The following SVEP1 variants were observed in gnomAD, a reference collection of about 807,000 sequenced individuals.
The protein encoded by SVEP1 is sushi, von Willebrand factor type A, EGF and pentraxin domain-containing protein 1.
Under a neutral mutation model 367.3 loss-of-function variants are expected in SVEP1, and 164 were observed. The ratio of observed to expected loss-of-function variants is 0.45; its 90% CI spans 0.39 to 0.51. The LOEUF is 0.51. SVEP1 is among the 20% of genes least tolerant of loss of function. The pLI, the probability that SVEP1 is intolerant of heterozygous loss-of-function variation, is 0.00. For missense variants in SVEP1, 4,117 were observed against 4,425.3 expected, an observed-to-expected ratio of 0.93 and a Z score of 1.98; for synonymous variants, 1,666 against 1,611.6, an observed-to-expected ratio of 1.03 and a Z score of -0.81.
chr9:110,492,025 A>G (rs1001900269), intron 8 of SVEP1, among the ~76,000 whole-genome samples: 5 of 152,180 alleles, frequency 3.3e-5, no homozygotes, highest in Non-Finnish European at 5.9e-5. Context: ...AAAGATAATA[A>G]TCAGCATATA....
intron 46 of SVEP1, among the ~76,000 whole-genome samples, chr9:110,370,829 G>T (rs968331402): frequency 3.3e-5 from 5 of 152,212 alleles, no homozygotes; most frequent in Non-Finnish European, 7.3e-5. Flanking sequence ...TAAAATGTCT[G>T]TTGGGAGAAA....
rs200502732 is a variant in SVEP1 at position 110,385,935 on chromosome 9, G to A, written c.10200C>T (p.Pro3400=). ...CGCTTGTCTGTGTCCACGTCTCGTC[G>A]GGGTTGCAGGTAATGATGCCGTGGC... ...LQGHGIITCN[P]DETWTQTSAK... is the part of the protein sequence containing the mutation. Residue 3400 remains proline, a synonymous_variant, in exon 43 of 48, where the codon CCC becomes CCT. Coordinates refer to ENST00000374469, the MANE Select transcript of SVEP1 (RefSeq NM_153366.4). 5.2e-4 allele frequency: 841 copies of A among 1,613,658 alleles called. 6 individuals are homozygous for A. The highest frequency in any genetic ancestry group is 1.2e-4 in the South Asian group (11 of 91,056).
At chr9:110,464,264 C>A (rs16915051) in intron 18 of SVEP1, among the ~76,000 whole-genome samples, 8,870 of 152,192 alleles carry the variant, frequency 0.058, 340 homozygotes, top group African/African-American at 0.11. Flanking sequence ...ATGGTTTATG[C>A]GTTTCAGTTA....
chr9:110,536,857 C>T (rs913830701), intron 3 of SVEP1, among the ~76,000 whole-genome samples: 1 of 151,916 alleles, frequency 6.6e-6, no homozygotes, highest in Non-Finnish European at 1.5e-5. Flanking sequence ...TTTTTCTTAA[C>T]TACAGGCACT....
chr9:110,376,498 T>C (rs1319795313), intron 45 of SVEP1, among the ~76,000 whole-genome samples: 1 of 152,218 alleles, frequency 6.6e-6, no homozygotes, highest in Non-Finnish European at 1.5e-5. Flanking sequence ...ATTTCCATCA[T>C]ACATTTTCCT....
At chr9:110,392,759 G>C (rs1408105687) in intron 40 of SVEP1, among the ~76,000 whole-genome samples, 1 of 151,982 alleles carries the variant, frequency 6.6e-6, no homozygotes, top group Non-Finnish European at 1.5e-5. Context: ...ATCATTATAA[G>C]CCTAGTGTCA....
Position 110,482,474 on chromosome 9 carries a change from G to C in SVEP1, c.2057C>G (p.Thr686Ser). 1 of 1,576,610 alleles carries C rather than the reference G, an allele frequency of 6.3e-7. No individual in the cohort carries two copies. Among genetic ancestry groups the C allele is most frequent in the Non-Finnish European group, 8.6e-7 (1 of 1,159,668 alleles). ...AAGGTCTCCTTGTGTATGACTTCTG[G>C]TAATGACCAATTCAGCCCCTGGAAA... The part of the protein sequence containing the change: ...SDNSGAELVI[T>S]RSHTQGDLFP... The change falls in exon 11 of 48, where the codon ACC becomes AGC. Residue 686 changes from threonine (T) to serine (S), a missense_variant. This residue lies in a region of SVEP1 where 2,174 missense variants were observed against 2,494.3 expected (regional missense o/e 0.87). Transcript: ENST00000374469.
intron 3 of SVEP1, among the ~76,000 whole-genome samples, chr9:110,530,681 T>C (rs1180396881): frequency 2.6e-5 from 4 of 152,020 alleles, no homozygotes; most frequent in Non-Finnish European, 4.4e-5. Flanking sequence ...GGACCACAGA[T>C]GCACACCACA....
At chr9:110,367,540 T>C (rs1827218228) in intron 47 of SVEP1, among the ~76,000 whole-genome samples, 1 of 152,198 alleles carries the variant, frequency 6.6e-6, no homozygotes, top group South Asian at 2.1e-4. Flanking sequence ...TTATTGTTTA[T>C]TTCTCAGACA....
intron 9 of SVEP1, among the ~76,000 whole-genome samples, chr9:110,485,684 T>G (rs184960242): frequency 7.7e-4 from 117 of 152,320 alleles, no homozygotes; most frequent in Non-Finnish European, 1.4e-3. Flanking sequence ...CTTTGAGGTT[T>G]GAGGGAGATA....
rs761079248 is a variant in SVEP1 at position 110,430,304 on chromosome 9, C to T, written c.5500G>A (p.Glu1834Lys). ...CAATATGGTATTAGATGATTCCATT[C>T]TCCAGACTCCAAACATGTGATTTTG... is the stretch of plus-strand genomic sequence containing the variant. ...VTKITCLESG[E>K]WNHLIPYCKA... The change falls in exon 33 of 48, where the codon GAA (glutamate) becomes AAA (lysine). Residue 1834 changes from glutamate (E) to lysine (K), a missense_variant. Transcript: ENST00000374469. The T allele has an allele frequency of 6.2e-7, 1 of 1,613,140 alleles. No homozygotes were observed. The highest frequency in any genetic ancestry group is 8.5e-7 in the Non-Finnish European group (1 of 1,179,566).
rs1275549007 is a variant in SVEP1 at position 110,375,779 on chromosome 9, G to A, written c.10505-316C>T. 4.6e-5 allele frequency among the ~76,000 whole-genome samples: 7 copies of A among 152,280 alleles called. No individual in the cohort carries two copies. The East Asian group carries it at 5.8e-4, about 13-fold the overall frequency. On this transcript the variant is annotated intron_variant, in intron 45 of 47. Coordinates refer to ENST00000374469, the MANE Select transcript of SVEP1 (RefSeq NM_153366.4). ...TAACTCTTCACAAAATAAGCAGAAC[G>A]GTCTCCATTTATTATAGTTTCAAAT... is the stretch of plus-strand genomic sequence containing the variant.
rs770098828 is a variant in SVEP1 at position 110,411,348 on chromosome 9, T to G, written c.6363A>C (p.Ser2121=). Reference sequence around the variant, plus strand: ...CACCTCTCATACATTCAATCTTTGCTGAGGTGTTCAGTACAAAGCCTTCCA... The same window carrying G: ...CACCTCTCATACATTCAATCTTTGCGGAGGTGTTCAGTACAAAGCCTTCCA... ...KCMEGFVLNT[S]AKIECMRGGQ... Residue 2121 remains serine (S), a synonymous_variant, in exon 37 of 48, where the codon TCA becomes TCC. Coordinates refer to ENST00000374469, the MANE Select transcript of SVEP1 (RefSeq NM_153366.4). 4 of 1,613,936 alleles carry G rather than the reference T, an allele frequency of 2.5e-6. No homozygotes were observed. Among genetic ancestry groups the G allele is most frequent in the African/African-American group, 1.3e-5 (1 of 74,946 alleles).
chr9:110,479,512 T>C (rs1325445420), intron 13 of SVEP1, 123 bp downstream of exon 13: 10 of 1,116,528 alleles, frequency 9.0e-6, no homozygotes, highest in Non-Finnish European at 1.1e-5. Context: ...TTTTAAATAT[T>C]AGGTACATGT....
chr9:110,403,536 CT>C lies in SVEP1; in HGVS notation c.9666+790del, dbSNP rs370952218. Among the ~76,000 whole-genome samples, 216 of 151,782 alleles carry C rather than the reference CT, an allele frequency of 1.4e-3. 1 individual carries two copies. In the Middle Eastern group the frequency reaches 0.02, roughly 14 times the overall value. On this transcript the variant is annotated intron_variant, in intron 39 of 47. Transcript: ENST00000374469. Reference sequence around the variant, plus strand: ...TCCAGGATGGTCTCAATCTCTTGACCTTGTGATCCATCCACCTCGGCCTCCC... The same window carrying C: ...TCCAGGATGGTCTCAATCTCTTGACCTGTGATCCATCCACCTCGGCCTCCC...
chr9:110,376,733 A>C (rs1588019211), intron 45 of SVEP1: 1 of 152,246 alleles, frequency 6.6e-6, no homozygotes, highest in African/African-American at 2.4e-5. Flanking sequence ...ATCACTATCC[A>C]TACCTCCCTG....
At chr9:110,465,598 G>A (rs983524332) in intron 18 of SVEP1, among the ~76,000 whole-genome samples, 1 of 152,308 alleles carries the variant, frequency 6.6e-6, no homozygotes, top group Middle Eastern at 3.4e-3. Flanking sequence ...GAAGCCACAT[G>A]TTTATTACTG....
chr9:110,549,440 G>A (rs970401618), intron 2 of SVEP1, among the ~76,000 whole-genome samples: 7 of 152,036 alleles, frequency 4.6e-5, no homozygotes, highest in Non-Finnish European at 8.8e-5. Flanking sequence ...GTATCTTCAT[G>A]TGTATTTCTG....
In SVEP1 at chr9:110,431,938, G is replaced by C; in HGVS notation, c.5330C>G (p.Thr1777Arg). 2 of 1,613,582 alleles carry C rather than the reference G, an allele frequency of 1.2e-6. No homozygotes were observed. Among genetic ancestry groups the C allele is most frequent in the Non-Finnish European group, 8.5e-7 (1 of 1,179,674 alleles). The change falls in exon 32 of 48, where the codon ACA (threonine) becomes AGA (arginine). Residue 1777 changes from threonine to arginine, a missense_variant. Transcript: ENST00000374469. The stretch of plus-strand genomic sequence containing the variant: ...ACCTGCACAGTTTTTCCCATCTCCT[G>C]TGTACGGTGGGACACATGAACATAT... ...SYICSCVPPYTGDGKNCAEPI... is the reference protein window; with the variant it reads ...SYICSCVPPYRGDGKNCAEPI...
Sources: gnomAD v4.1 joint callset for allele counts (sites outside exome capture counted in the v4.1 genomes callset) on GRCh38, gnomAD v4.1.1 for gene constraint, gnomAD v4.1.1 regional missense constraint, MANE v1.5 for transcripts, NCBI Gene and HGNC (gene_info 2026-07-23, HGNC 2026-07-21) for gene names.